NEGR1: variants seen among roughly 807,000 people sequenced by gnomAD.
NEGR1 encodes the protein neuronal growth regulator 1.
Under a neutral mutation model 40.9 loss-of-function variants are expected in NEGR1, and 10 were observed. The ratio of observed to expected loss-of-function variants is 0.24; its 90% CI spans 0.15 to 0.42. NEGR1 has a LOEUF of 0.42. NEGR1 is among the 10% of genes least tolerant of loss of function. The pLI is 1.00. For synonymous variants in NEGR1, 185 were observed against 166.8 expected (o/e 1.11, Z -0.84); for missense variants, 352 against 438.9 (o/e 0.80, Z 1.77).
At chr1:72,175,902 A>G (rs1022449948) in intron 1 of NEGR1, among the ~76,000 whole-genome samples, 8 of 152,234 alleles carry the variant, frequency 5.3e-5, no homozygotes, top group Non-Finnish European at 1.2e-4. Context: ...AAATAAAACT[A>G]TTTTATGTCA....
At chr1:71,418,490 G>A (rs1055339887) in intron 6 of NEGR1, among the ~76,000 whole-genome samples, 6 of 151,722 alleles carry the variant, frequency 4.0e-5, no homozygotes. Flanking sequence ...ATTTTTTGTA[G>A]TTTTAATATG....
intron 6 of NEGR1, among the ~76,000 whole-genome samples, chr1:71,565,145 T>C (rs1354170497): frequency 6.6e-6 from 1 of 152,116 alleles, no homozygotes; most frequent in East Asian, 1.9e-4. Flanking sequence ...TCCCTGGTGG[T>C]TCCTCGTAGG....
At chr1:71,669,239 T>C (rs1652337277) in intron 4 of NEGR1, among the ~76,000 whole-genome samples, 1 of 152,158 alleles carries the variant, frequency 6.6e-6, no homozygotes, top group African/African-American at 2.4e-5. Context: ...TCTCTTTCTA[T>C]GCTTTTAAAT....
At chr1:72,082,573 A>T (rs1274730580) in intron 1 of NEGR1, among the ~76,000 whole-genome samples, 1 of 152,096 alleles carries the variant, frequency 6.6e-6, no homozygotes, top group Non-Finnish European at 1.5e-5. Context: ...TCAATCTTTT[A>T]TCCTGATATT....
At chr1:72,075,192 T>G (rs11209905) in intron 1 of NEGR1, among the ~76,000 whole-genome samples, 2 of 151,950 alleles carry the variant, frequency 1.3e-5, no homozygotes, top group Non-Finnish European at 2.9e-5. Context: ...TAAATATTTA[T>G]GTTTACAAGT....
chr1:72,104,649 T>C (rs1649066051), intron 1 of NEGR1, among the ~76,000 whole-genome samples: 1 of 152,146 alleles, frequency 6.6e-6, no homozygotes, highest in Non-Finnish European at 1.5e-5. Context: ...GGAACCAATA[T>C]ATTTTTCTGT....
intron 1 of NEGR1, among the ~76,000 whole-genome samples, chr1:72,141,699 C>T (rs998341220): frequency 1.3e-5 from 2 of 151,948 alleles, no homozygotes; most frequent in African/African-American, 2.4e-5. Flanking sequence ...GGTAAATACA[C>T]CTCTATGATA....
At chr1:71,597,361 G>A (rs1282233657) in intron 5 of NEGR1, among the ~76,000 whole-genome samples, 2 of 148,230 alleles carry the variant, frequency 1.3e-5, no homozygotes, top group East Asian at 2.0e-4. Flanking sequence ...TAGCATACAG[G>A]TCCCTTCCAC....
chr1:71,540,668 G>C (rs563838376), intron 6 of NEGR1, among the ~76,000 whole-genome samples: 1 of 151,598 alleles, frequency 6.6e-6, no homozygotes, highest in Non-Finnish European at 1.5e-5. Context: ...AATTCAAATC[G>C]GCACTCTAAC....
At position 71,988,335 on chromosome 1, in the gene NEGR1, C is replaced by T. The variant is rs532265319; in HGVS notation, c.177-53024G>A. Among the ~76,000 whole-genome samples the T allele has an allele frequency of 1.6e-4, 25 of 151,914 alleles. No homozygotes were observed. In the East Asian group the frequency reaches 4.5e-3, roughly 27 times the overall value. ...CGGGTGGATTATGAGGTCAGGAGAT[C>T]GAGACCATCCTGGCTAACAAGGTGA... On this transcript the variant is annotated intron_variant, in intron 1 of 6. Coordinates refer to ENST00000357731, the MANE Select transcript of NEGR1 (RefSeq NM_173808.3).
intron 1 of NEGR1, among the ~76,000 whole-genome samples, chr1:72,118,651 C>T (rs184049903): frequency 6.6e-6 from 1 of 151,910 alleles, no homozygotes; most frequent in Non-Finnish European, 1.5e-5. Flanking sequence ...TTCCCAGAGT[C>T]TGATTCTCTG....
chr1:71,903,081 A>C (rs1022096325), intron 2 of NEGR1, among the ~76,000 whole-genome samples: 1 of 151,964 alleles, frequency 6.6e-6, no homozygotes, highest in African/African-American at 2.4e-5. Context: ...GATCAAATAA[A>C]AAGGAAGAAA....
intron 6 of NEGR1, among the ~76,000 whole-genome samples, chr1:71,481,746 AT>A (rs142530215): frequency 0.033 from 5,068 of 151,916 alleles, 128 homozygotes; most frequent in African/African-American, 0.071. Flanking sequence ...TTATTTAAGC[AT>A]TTTTTGAGGT....
chr1:72,226,754 C>T (rs953398109), intron 1 of NEGR1, among the ~76,000 whole-genome samples: 3 of 151,900 alleles, frequency 2.0e-5, no homozygotes, highest in Non-Finnish European at 4.4e-5. Flanking sequence ...AAAAGTGATT[C>T]AGAAAACAAA....
intron 3 of NEGR1, among the ~76,000 whole-genome samples, chr1:71,703,960 AAAAGT>A (rs1323400366): frequency 1.3e-5 from 2 of 152,006 alleles, no homozygotes; most frequent in Non-Finnish European, 2.9e-5. Context: ...CATGTCAAAG[AAAAGT>A]AGACAAAGAA....
At chr1:71,612,038 C>A (rs1650277430) in intron 4 of NEGR1, among the ~76,000 whole-genome samples, 1 of 152,114 alleles carries the variant, frequency 6.6e-6, no homozygotes, top group South Asian at 2.1e-4. Context: ...CTGGCTAACA[C>A]AGTGAAACCC....
At chr1:71,465,240 T>C (rs571678679) in intron 6 of NEGR1, among the ~76,000 whole-genome samples, 2 of 152,244 alleles carry the variant, frequency 1.3e-5, no homozygotes, top group East Asian at 3.9e-4. Flanking sequence ...TATTGAGTTT[T>C]ACTCTGTGCC....
intron 1 of NEGR1, among the ~76,000 whole-genome samples, chr1:72,057,311 T>A (rs1647120751): frequency 6.6e-6 from 1 of 151,568 alleles, no homozygotes; most frequent in Non-Finnish European, 1.5e-5. Flanking sequence ...AACTTAATTT[T>A]TTTTTGCAAT....
chr1:71,721,230 T>G (rs1654500395), intron 3 of NEGR1, among the ~76,000 whole-genome samples: 1 of 152,140 alleles, frequency 6.6e-6, no homozygotes, highest in Non-Finnish European at 1.5e-5. Context: ...TTACAAAAAG[T>G]CGAATCCCTT....
Sources: gnomAD v4.1 joint callset for allele counts (sites outside exome capture counted in the v4.1 genomes callset) on GRCh38, gnomAD v4.1.1 for gene constraint, MANE v1.5 for transcripts, NCBI Gene and HGNC (gene_info 2026-07-23, HGNC 2026-07-21) for gene names.